The following MTCL2 variants were observed in gnomAD, a reference collection of about 807,000 sequenced individuals.
MTCL2 encodes microtubule cross-linking factor 2.
the MTCL2 span, among the ~76,000 whole-genome samples, chr20:36,814,166 C>G: frequency 6.6e-6 from 1 of 152,142 alleles, no homozygotes; most frequent in African/African-American, 2.4e-5. Context: ...CTCTGCCCCA[C>G]TAGATGATAA....
At chr20:36,825,685 G>A in the MTCL2 span, among the ~76,000 whole-genome samples, 2 of 152,172 alleles carry the variant, frequency 1.3e-5, no homozygotes, top group Non-Finnish European at 2.9e-5. Context: ...GGATGGCAAC[G>A]GCAGATCTTG....
the MTCL2 span, among the ~76,000 whole-genome samples, chr20:36,837,217 C>T: frequency 6.6e-6 from 1 of 152,238 alleles, no homozygotes; most frequent in African/African-American, 2.4e-5. Context: ...CCTCGTGTCA[C>T]CAGATCACAC....
At chr20:36,846,125 G>C in the MTCL2 span, among the ~76,000 whole-genome samples, 1 of 151,796 alleles carries the variant, frequency 6.6e-6, no homozygotes, top group Admixed American at 6.6e-5. Context: ...AGAATTGCTT[G>C]AATTTGGGAG....
At chr20:36,804,980 A>C in the MTCL2 span, 38 of 1,526,232 alleles carry the variant, frequency 2.5e-5, no homozygotes, top group South Asian at 4.2e-4. Context: ...GAACTCACCT[A>C]GGAGTCCAGC....
the MTCL2 span, among the ~76,000 whole-genome samples, chr20:36,824,991 G>A: frequency 1.0e-3 from 153 of 151,360 alleles, 3 homozygotes; most frequent in Non-Finnish European, 9.0e-4. Context: ...CTAGGCTGGA[G>A]TGCAATGATG....
At chr20:36,813,295 A>C in the MTCL2 span, among the ~76,000 whole-genome samples, 1 of 143,582 alleles carries the variant, frequency 7.0e-6, no homozygotes, top group Non-Finnish European at 1.5e-5. Flanking sequence ...CGTGGGCAAC[A>C]GAGCAAGACT....
At chr20:36,804,835 C>T in the MTCL2 span, 14 of 1,613,862 alleles carry the variant, frequency 8.7e-6, no homozygotes, top group Non-Finnish European at 1.1e-5. Flanking sequence ...GCGTTCATCC[C>T]GGAGCAGCCA....
At chr20:36,837,783 G>A in the MTCL2 span, among the ~76,000 whole-genome samples, 1 of 151,852 alleles carries the variant, frequency 6.6e-6, no homozygotes, top group Non-Finnish European at 1.5e-5. Flanking sequence ...CACCATGTTG[G>A]CCAGGCTGGT....
At chr20:36,863,445 T>C in the MTCL2 span, 1 of 911,970 alleles carries the variant, frequency 1.1e-6, no homozygotes, top group Non-Finnish European at 1.4e-6. The surrounding 1 kb of genome is among the most constrained non-coding windows in gnomAD (Gnocchi z 6.2). Context: ...CCGCTGGGGC[T>C]GCGGCTGCTC....
the MTCL2 span, chr20:36,815,384 G>A: frequency 1.2e-5 from 19 of 1,613,412 alleles, no homozygotes; most frequent in Middle Eastern, 4.9e-4. This position sits in a 1 kb window ranked among gnomAD's most constrained non-coding sequence, Gnocchi z 5.3. Flanking sequence ...CACACTCGTT[G>A]TCCAGACACA....
At chr20:36,862,980 T>C in the MTCL2 span, 1 of 1,402,662 alleles carries the variant, frequency 7.1e-7, no homozygotes, top group Non-Finnish European at 9.3e-7. Flanking sequence ...GTCCGACACC[T>C]CCGAGCTGCT....
At chr20:36,851,565 C>T in the MTCL2 span, among the ~76,000 whole-genome samples, 1 of 152,238 alleles carries the variant, frequency 6.6e-6, no homozygotes, top group Non-Finnish European at 1.5e-5. Flanking sequence ...CCCTGCCCCC[C>T]ATCTCTGCCC....
the MTCL2 span, chr20:36,784,772 G>A: frequency 7.1e-6 from 7 of 985,680 alleles, no homozygotes; most frequent in South Asian, 4.7e-5. Flanking sequence ...GAGAAGAGCC[G>A]TGAAAGGCCA....
At chr20:36,860,463 C>T in the MTCL2 span, among the ~76,000 whole-genome samples, 1 of 152,212 alleles carries the variant, frequency 6.6e-6, no homozygotes, top group Non-Finnish European at 1.5e-5. Flanking sequence ...CCCTAGCACA[C>T]GGCAGGTTCT....
the MTCL2 span, chr20:36,780,783 G>A: frequency 1.3e-5 from 2 of 152,174 alleles, no homozygotes; most frequent in Admixed American, 6.5e-5. Context: ...CACGTTGGTG[G>A]ATTATTTATT....
At chr20:36,859,552 A>G in the MTCL2 span, 2 of 1,203,596 alleles carry the variant, frequency 1.7e-6, no homozygotes. Flanking sequence ...CTGAATAATT[A>G]AAGTGACAGT....
chr20:36,859,977 A>C, the MTCL2 span: 2 of 1,143,120 alleles, frequency 1.7e-6, no homozygotes, highest in South Asian at 4.6e-5. Flanking sequence ...ACAACACAAC[A>C]CCTCCAGTAA....
At chr20:36,796,281 C>A in the MTCL2 span, among the ~76,000 whole-genome samples, 1 of 152,208 alleles carries the variant, frequency 6.6e-6, no homozygotes. Context: ...GGAAGTACTG[C>A]TCAAGGTCAA....
At chr20:36,829,202 T>C in the MTCL2 span, 2 of 1,609,862 alleles carry the variant, frequency 1.2e-6, no homozygotes, top group South Asian at 1.1e-5. Flanking sequence ...CATGGAGATG[T>C]CCTTAGAGAC....
Sources: gnomAD v4.1 joint callset for allele counts (sites outside exome capture counted in the v4.1 genomes callset) on GRCh38, gnomAD v4.1.1 for gene constraint, Gnocchi (gnomAD v3.1) non-coding constraint, MANE v1.5 for transcripts, NCBI Gene and HGNC (gene_info 2026-07-23, HGNC 2026-07-21) for gene names.